The following ACTN2 variants were observed in gnomAD, a reference collection of about 807,000 sequenced individuals.
ACTN2 encodes the protein alpha-actinin-2.
In ACTN2, 39 loss-of-function variants were observed where a neutral mutation model predicts 113.8. That is an observed-to-expected ratio of 0.34 (90% confidence interval 0.27 to 0.45). The LOEUF is 0.45. Ranked by LOEUF, ACTN2 falls within the 20% of genes least tolerant of loss-of-function variation. ACTN2 has a pLI of 1.00. For missense variants in ACTN2, 992 were observed against 1,177.9 expected (o/e 0.84, Z 2.31); for synonymous variants, 429 against 444.1 (o/e 0.97, Z 0.43).
chr1:236,744,087 T>G (rs1659153890), intron 11 of ACTN2, among the ~76,000 whole-genome samples: 1 of 152,174 alleles, frequency 6.6e-6, no homozygotes, highest in Non-Finnish European at 1.5e-5. Context: ...TTAAGAAATA[T>G]TTATATGGGA....
intron 1 of ACTN2, among the ~76,000 whole-genome samples, chr1:236,704,232 G>A (rs1417529697): frequency 2.0e-5 from 3 of 152,144 alleles, no homozygotes; most frequent in Non-Finnish European, 4.4e-5. Context: ...ATCACTCTCT[G>A]TCTTCATGGA....
intron 1 of ACTN2, among the ~76,000 whole-genome samples, chr1:236,712,329 A>G (rs377340972): frequency 1.1e-4 from 16 of 152,184 alleles, no homozygotes; most frequent in African/African-American, 3.4e-4. Flanking sequence ...TTCAGAGGGC[A>G]CTGGGCTCTT....
At chr1:236,749,922 T>C (rs970862766) in intron 14 of ACTN2, among the ~76,000 whole-genome samples, 1 of 152,218 alleles carries the variant, frequency 6.6e-6, no homozygotes, top group Non-Finnish European at 1.5e-5. Context: ...AGCTGCTGAG[T>C]TAACTACTTT....
chr1:236,709,255 T>TATATATATATATATATATACACAC (rs796606511), intron 1 of ACTN2, among the ~76,000 whole-genome samples: 1 of 68,898 alleles, frequency 1.5e-5, no homozygotes, highest in African/African-American at 5.3e-5. Flanking sequence ...TATATATATA[T>TATATATATATATATATATACACAC]ACACACACAC....
intron 9 of ACTN2, among the ~76,000 whole-genome samples, chr1:236,737,586 A>G (rs1373547393): frequency 6.7e-6 from 1 of 150,274 alleles, no homozygotes; most frequent in East Asian, 2.0e-4. Context: ...CCAACATCAC[A>G]TAGGATGCAC....
intron 13 of ACTN2, 22 bp downstream of exon 13, chr1:236,747,797 T>C: frequency 6.4e-7 from 1 of 1,551,020 alleles, no homozygotes; most frequent in Non-Finnish European, 8.9e-7. Context: ...AAGCCACTTG[T>C]TGACATGAAA....
At chr1:236,761,432 C>CATGT (rs113972650) in intron 20 of ACTN2, among the ~76,000 whole-genome samples, 164 of 150,542 alleles carry the variant, frequency 1.1e-3, no homozygotes, top group African/African-American at 3.7e-3. Flanking sequence ...TTTGTACTTG[C>CATGT]GTGTGTGTGT....
chr1:236,715,364 A>G (rs1195446747), intron 1 of ACTN2, among the ~76,000 whole-genome samples: 4 of 139,768 alleles, frequency 2.9e-5, no homozygotes, highest in African/African-American at 1.1e-4. Context: ...TTACTCATTC[A>G]AAAAATAAAT....
At chr1:236,701,521 G>C (rs185701302) in intron 1 of ACTN2, among the ~76,000 whole-genome samples, 1 of 152,154 alleles carries the variant, frequency 6.6e-6, no homozygotes, top group African/African-American at 2.4e-5. Flanking sequence ...GTCCTCCTGC[G>C]GGCCAGGTTG....
At chr1:236,758,515 T>C (rs1188122507) in intron 18 of ACTN2, among the ~76,000 whole-genome samples, 1 of 149,546 alleles carries the variant, frequency 6.7e-6, no homozygotes, top group Non-Finnish European at 1.5e-5. Context: ...GGTCTCAATA[T>C]CCTGATCTCA....
intron 4 of ACTN2, among the ~76,000 whole-genome samples, chr1:236,720,637 A>G (rs1262947076): frequency 6.6e-6 from 1 of 151,924 alleles, no homozygotes; most frequent in Non-Finnish European, 1.5e-5. Flanking sequence ...TTTTCTTTTT[A>G]AACAAGACCT....
chr1:236,694,129 A>G (rs1657390053), intron 1 of ACTN2, among the ~76,000 whole-genome samples: 1 of 151,662 alleles, frequency 6.6e-6, no homozygotes. Context: ...TGTCTCCCCA[A>G]CAAGGGCTAT....
At chr1:236,755,716 CCT>C in intron 17 of ACTN2, among the ~76,000 whole-genome samples, 4 of 121,528 alleles carry the variant, frequency 3.3e-5, no homozygotes, top group Admixed American at 1.7e-4. Flanking sequence ...CTGTTAGAAC[CCT>C]GGTTATAGAG....
At chr1:236,719,034 T>C (rs377715235) in intron 3 of ACTN2, 21 bp downstream of exon 3, 1 of 1,613,240 alleles carries the variant, frequency 6.2e-7, no homozygotes, top group Non-Finnish European at 8.5e-7. Context: ...TGGTGGGTGG[T>C]CCTGTCTGCC....
In ACTN2 at chr1:236,762,535, C is replaced by T. The variant is rs147245615; in HGVS notation, c.2601C>T (p.Pro867=). Residue 867 remains proline, a synonymous_variant, in exon 21 of 21, where the codon CCC becomes CCT. Transcript: ENST00000366578. ...CCCAGTACTGCATCAAGAGGATGCC[C>T]GCCTACTCGGGCCCAGGCAGTGTGC... ...DQAQYCIKRM[P]AYSGPGSVPG... The T allele has an allele frequency of 1.8e-4, 290 of 1,614,136 alleles. No individual in the cohort carries two copies. The highest frequency in any genetic ancestry group is 4.4e-4 in the African/African-American group (33 of 75,024).
chr1:236,686,698 C>G lies in ACTN2; in HGVS notation c.25C>G (p.Gln9Glu). Reference protein sequence around the residue: MNQIEPGVQYNYVYDEDEY... With the variant: MNQIEPGVEYNYVYDEDEY... ...CATGAACCAGATAGAGCCCGGCGTG[C>G]AGTACAACTACGTGTACGACGAGGA... is the stretch of plus-strand genomic sequence containing the variant. The change falls in exon 1 of 21, where the codon CAG becomes GAG. Residue 9 changes from glutamine (Q) to glutamate (E), a missense_variant. Gln to Glu is a conservative substitution (Grantham distance 29). This residue lies in a region of ACTN2 where 36 missense variants were observed against 25.0 expected (regional missense o/e 1.44). Transcript: ENST00000366578. 1 of 1,566,356 alleles carries G rather than the reference C, an allele frequency of 6.4e-7. No homozygotes were observed. The highest frequency in any genetic ancestry group is 2.5e-5 in the East Asian group (1 of 39,436).
Position 236,713,492 on chromosome 1 carries a change from G to C in ACTN2, c.127-4366G>C, listed in dbSNP as rs528749453. On this transcript the variant is annotated intron_variant, in intron 1 of 20. Transcript: ENST00000366578. Reference sequence around the variant, plus strand: ...TCCACCCACTTTGGCCTCCCAAAGTGCTGGGATTACAGGCATGAGCCACTG... The same window carrying C: ...TCCACCCACTTTGGCCTCCCAAAGTCCTGGGATTACAGGCATGAGCCACTG... Among the ~76,000 whole-genome samples the C allele has an allele frequency of 4.4e-4, 67 of 152,294 alleles. 1 individual carries two copies. The highest frequency in any genetic ancestry group is 3.4e-3 in the Middle Eastern group (1 of 294).
intron 1 of ACTN2, among the ~76,000 whole-genome samples, chr1:236,706,264 G>T (rs1417882107): frequency 1.3e-5 from 2 of 152,024 alleles, no homozygotes; most frequent in East Asian, 3.9e-4. Flanking sequence ...TAAAAAAAAT[G>T]TTGACTTGTA....
chr1:236,759,877 T>G, intron 19 of ACTN2, 88 bp downstream of exon 19: 2 of 1,249,498 alleles, frequency 1.6e-6, no homozygotes, highest in South Asian at 2.4e-5. Context: ...CAAACCAAGG[T>G]AGTGCATTTG....
Sources: gnomAD v4.1 joint callset for allele counts (sites outside exome capture counted in the v4.1 genomes callset) on GRCh38, gnomAD v4.1.1 for gene constraint, gnomAD v4.1.1 regional missense constraint, MANE v1.5 for transcripts, NCBI Gene and HGNC (gene_info 2026-07-23, HGNC 2026-07-21) for gene names.